Variants in LRP1B observed in about 807,000 individuals in gnomAD.
LRP1B encodes the protein LDL receptor related protein 1B.
In LRP1B, 217 loss-of-function variants were observed where a neutral mutation model predicts 556.6. The ratio of observed to expected loss-of-function variants is 0.39; its 90% CI spans 0.35 to 0.44. The LOEUF (loss-of-function observed/expected upper bound fraction) is 0.44, where lower values mean the gene tolerates loss of function less well. LRP1B is among the 20% of genes least tolerant of loss of function. The probability of loss-of-function intolerance (pLI) is 1.00; values close to 1 mark genes in which losing one functional copy is unlikely to be tolerated. For synonymous variants in LRP1B, 2,047 were observed against 1,865.8 expected, an observed-to-expected ratio of 1.10 and a Z score of -2.50; for missense variants, 5,053 against 5,620.8, an observed-to-expected ratio of 0.90 and a Z score of 3.23.
intron 27 of LRP1B, among the ~76,000 whole-genome samples, chr2:140,867,120 T>C (rs942804198): frequency 3.3e-5 from 5 of 151,990 alleles, no homozygotes; most frequent in Non-Finnish European, 7.4e-5. Flanking sequence ...TTGGCAAACA[T>C]TGAGTGGAGG....
chr2:140,571,106 A>C (rs981333647), intron 43 of LRP1B, among the ~76,000 whole-genome samples: 1 of 151,836 alleles, frequency 6.6e-6, no homozygotes, highest in African/African-American at 2.4e-5. Context: ...CAAGATAAGA[A>C]TGCACTCCCA....
chr2:141,837,177 A>G (rs1697312659), intron 1 of LRP1B, among the ~76,000 whole-genome samples: 1 of 151,988 alleles, frequency 6.6e-6, no homozygotes, highest in South Asian at 2.1e-4. Flanking sequence ...GATATAGACT[A>G]TCAGGGAAAG....
intron 41 of LRP1B, among the ~76,000 whole-genome samples, chr2:140,639,724 A>T (rs768212489): frequency 1.3e-5 from 2 of 152,186 alleles, no homozygotes; most frequent in Non-Finnish European, 2.9e-5. Flanking sequence ...GCTACAAGGC[A>T]TATAGTAGCT....
chr2:141,449,008 T>A (rs2105018331), intron 3 of LRP1B, among the ~76,000 whole-genome samples: 1 of 152,354 alleles, frequency 6.6e-6, no homozygotes, highest in African/African-American at 2.4e-5. Context: ...AGAATCTTTG[T>A]TAATCATTTG....
At chr2:140,390,951 G>C (rs1415611581) in intron 66 of LRP1B, among the ~76,000 whole-genome samples, 1 of 152,038 alleles carries the variant, frequency 6.6e-6, no homozygotes, top group Non-Finnish European at 1.5e-5. Context: ...GAATATGGAA[G>C]ACCTAGCCTC....
At chr2:141,071,476 A>C (rs998965575) in intron 7 of LRP1B, among the ~76,000 whole-genome samples, 1 of 152,130 alleles carries the variant, frequency 6.6e-6, no homozygotes, top group Non-Finnish European at 1.5e-5. Context: ...CACCACTCCT[A>C]TTCAACAGTG....
intron 1 of LRP1B, among the ~76,000 whole-genome samples, chr2:141,935,508 G>A (rs1306409987): frequency 2.6e-5 from 4 of 152,032 alleles, no homozygotes; most frequent in Non-Finnish European, 5.9e-5. Flanking sequence ...TAGCAGAACA[G>A]ACCAAGGAAA....
intron 3 of LRP1B, among the ~76,000 whole-genome samples, chr2:141,337,472 G>A (rs1687888704): frequency 7.3e-6 from 1 of 136,156 alleles, no homozygotes; most frequent in Non-Finnish European, 1.6e-5. Flanking sequence ...TGAGATGCGG[G>A]ATTTGCAATA....
chr2:140,882,479 A>G (rs889356639), intron 25 of LRP1B, among the ~76,000 whole-genome samples: 1 of 152,198 alleles, frequency 6.6e-6, no homozygotes, highest in Non-Finnish European at 1.5e-5. Flanking sequence ...AAATCTCCCT[A>G]TTTTACAAAA....
intron 1 of LRP1B, among the ~76,000 whole-genome samples, chr2:141,823,204 C>T (rs1429031294): frequency 2.0e-5 from 3 of 151,932 alleles, no homozygotes; most frequent in Non-Finnish European, 4.4e-5. Flanking sequence ...CTAGGATTCT[C>T]CTGGGAAGTG....
In LRP1B at chr2:141,612,688, C is replaced by T. The variant is rs188915402; in HGVS notation, c.206-132155G>A. ...TTCTGAAAGATTCTTCACATTAATG[C>T]CATAGGCAACCACTGGAGAGTACTA... is the stretch of plus-strand genomic sequence containing the variant. On this transcript the variant is annotated intron_variant, in intron 2 of 90. Coordinates refer to ENST00000389484, the MANE Select transcript of LRP1B (RefSeq NM_018557.3). Among the ~76,000 whole-genome samples the T allele has an allele frequency of 1.7e-3, 255 of 152,194 alleles. 2 individuals carry two copies. Among genetic ancestry groups the T allele is most frequent in the African/African-American group, 5.5e-3 (228 of 41,532 alleles).
At chr2:141,726,992 G>C (rs751681836) in intron 2 of LRP1B, among the ~76,000 whole-genome samples, 5 of 151,784 alleles carry the variant, frequency 3.3e-5, no homozygotes, top group Non-Finnish European at 5.9e-5. Flanking sequence ...GTAATAACTA[G>C]TTCATTTTAA....
chr2:141,001,490 C>T (rs1485221018), intron 15 of LRP1B, among the ~76,000 whole-genome samples: 1 of 152,032 alleles, frequency 6.6e-6, no homozygotes, highest in Non-Finnish European at 1.5e-5. Flanking sequence ...TCACAACAGG[C>T]GCCAGTGTGT....
At chr2:140,285,026 G>GTGTGTATATATATATATATATA (rs1553439389) in intron 84 of LRP1B, among the ~76,000 whole-genome samples, 51 of 144,614 alleles carry the variant, frequency 3.5e-4, no homozygotes, top group African/African-American at 1.3e-3. Flanking sequence ...GTGTGTGTGT[G>GTGTGTATATATATATATATATA]TATATATATA....
intron 7 of LRP1B, among the ~76,000 whole-genome samples, chr2:141,078,628 AG>A (rs1699850694): frequency 2.2e-4 from 1 of 4,502 alleles, no homozygotes; most frequent in African/African-American, 3.6e-4. Flanking sequence ...GGAGAGAGAA[AG>A]AGAAAGAGAA....
intron 55 of LRP1B, among the ~76,000 whole-genome samples, chr2:140,498,145 A>G (rs1689030052): frequency 6.6e-6 from 1 of 151,880 alleles, no homozygotes; most frequent in Non-Finnish European, 1.5e-5. Context: ...TTTCACTTAA[A>G]AAAGACAATT....
intron 41 of LRP1B, among the ~76,000 whole-genome samples, chr2:140,609,374 CCTCT>C (rs1163970062): frequency 6.6e-6 from 1 of 152,018 alleles, no homozygotes; most frequent in East Asian, 1.9e-4. Context: ...TTCCTTTTCC[CCTCT>C]CTCTCTTATG....
In LRP1B at chr2:141,092,577, TAGAC is replaced by T. The variant is rs538238911; in HGVS notation, c.1014-30308_1014-30305del. On this transcript the variant is annotated intron_variant, in intron 7 of 90. Coordinates refer to ENST00000389484, the MANE Select transcript of LRP1B (RefSeq NM_018557.3). ...GATGGGTTCACCTAAAGATGAATAG[TAGAC>T]AGAATAGTGTTAATGAAGGATGAAC... Among the ~76,000 whole-genome samples the T allele has an allele frequency of 1.6e-3, 251 of 152,330 alleles. 1 individual carries two copies. Among genetic ancestry groups the T allele is most frequent in the African/African-American group, 5.8e-3 (240 of 41,576 alleles).
In LRP1B at chr2:140,925,145, A is replaced by C. The variant is rs551286246; in HGVS notation, c.3137-1998T>G. On this transcript the variant is annotated intron_variant, in intron 20 of 90. Transcript: ENST00000389484. ...TTATATGCAAGCACTACATCATTTC[A>C]TATAAGAAACTTGAGCATTCTTGAA... 3.3e-5 allele frequency among the ~76,000 whole-genome samples: 5 copies of C among 152,164 alleles called. No individual in the cohort carries two copies. In the East Asian group the frequency reaches 9.6e-4, roughly 29 times the overall value.
Sources: gnomAD v4.1 joint callset for allele counts (sites outside exome capture counted in the v4.1 genomes callset) on GRCh38, gnomAD v4.1.1 for gene constraint, MANE v1.5 for transcripts, NCBI Gene and HGNC (gene_info 2026-07-23, HGNC 2026-07-21) for gene names.